The following LRRC40 variants were observed in gnomAD, a reference collection of about 807,000 sequenced individuals.
The protein encoded by LRRC40 is leucine rich repeat containing 40.
Under a neutral mutation model 72.8 loss-of-function variants are expected in LRRC40, and 76 were observed. The ratio of observed to expected loss-of-function variants is 1.04; its 90% CI spans 0.87 to 1.26. The LOEUF (loss-of-function observed/expected upper bound fraction) is 1.26. LRRC40 is among the 50% of genes most tolerant of loss of function. The probability of loss-of-function intolerance (pLI) is 0.00; values close to 1 mark genes in which losing one functional copy is unlikely to be tolerated. For synonymous variants in LRRC40, 243 were observed against 254.2 expected (o/e 0.96, Z 0.42); for missense variants, 684 against 698.9 (o/e 0.98, Z 0.24).
intron 10 of LRRC40, among the ~76,000 whole-genome samples, chr1:70,158,071 A>G (rs12091607): frequency 0.94 from 135,064 of 144,164 alleles, 63,370 homozygotes; most frequent in East Asian, 1. Flanking sequence ...CTGTACTCCA[A>G]CCTGGGCAAC....
At chr1:70,163,848 G>C (rs1667819827) in intron 9 of LRRC40, among the ~76,000 whole-genome samples, 1 of 152,148 alleles carries the variant, frequency 6.6e-6, no homozygotes, top group Non-Finnish European at 1.5e-5. Context: ...TAAGCTTAAT[G>C]CCACGATGGC....
chr1:70,170,791 C>G (rs1558117945), intron 9 of LRRC40, among the ~76,000 whole-genome samples: 1 of 152,144 alleles, frequency 6.6e-6, no homozygotes, highest in Non-Finnish European at 1.5e-5. Flanking sequence ...ATTCCCCAAA[C>G]TGATCTACAG....
intron 6 of LRRC40, among the ~76,000 whole-genome samples, chr1:70,176,706 C>G (rs1446419025): frequency 6.6e-6 from 1 of 151,654 alleles, no homozygotes; most frequent in Non-Finnish European, 1.5e-5. Context: ...TGTGAGGGTC[C>G]ACTTTTATAT....
In LRRC40 at chr1:70,205,412, C is replaced by T. The variant is rs1010161357; in HGVS notation, c.129G>A (p.Leu43=). Residue 43 remains leucine (L), a synonymous_variant, in exon 1 of 15, where the codon CTG becomes CTA. Coordinates refer to ENST00000370952, the MANE Select transcript of LRRC40 (RefSeq NM_017768.5). The stretch of plus-strand genomic sequence containing the variant: ...TACCTTCACTGAGGTTTCTACCCGA[C>T]AGGTTTAACTGGCCGCTCTTCCTCG... ...KAARKSGQLN[L]SGRNLSEVPQ... The T allele has an allele frequency of 5.0e-6, 8 of 1,595,944 alleles. No individual in the cohort carries two copies. The South Asian group carries it at 9.0e-5, about 18-fold the overall frequency.
intron 9 of LRRC40, among the ~76,000 whole-genome samples, chr1:70,171,559 T>C (rs1379347623): frequency 2.0e-5 from 3 of 151,984 alleles, no homozygotes; most frequent in Admixed American, 2.0e-4. Context: ...GATGCACAAA[T>C]GACTAATAAA....
chr1:70,152,304 T>C (rs1571434764), intron 12 of LRRC40, 129 bp downstream of exon 12: 3 of 574,276 alleles, frequency 5.2e-6, no homozygotes, highest in East Asian at 5.9e-5. Flanking sequence ...TCTCCTAAAC[T>C]ATTGTTAATA....
intron 14 of LRRC40, 81 bp downstream of exon 14, chr1:70,148,406 A>G: frequency 8.1e-7 from 1 of 1,238,322 alleles, no homozygotes; most frequent in Non-Finnish European, 1.1e-6. Flanking sequence ...ACTTCTTGCA[A>G]ATTTATCTGA....
chr1:70,189,264 C>T lies in LRRC40; in HGVS notation c.161G>A (p.Cys54Tyr). 4 of 1,552,598 alleles carry T rather than the reference C, an allele frequency of 2.6e-6. No homozygotes were observed. The highest frequency in any genetic ancestry group is 3.5e-6 in the Non-Finnish European group (4 of 1,137,340). The change falls in exon 2 of 15, where the codon TGT becomes TAT. Residue 54 changes from cysteine (C) to tyrosine (Y), a missense_variant. Cys to Tyr is a radical substitution (Grantham distance 194). Transcript: ENST00000370952. ...SGRNLSEVPQ[C>Y]VWRINVDIPE... ...GATATCCACATTTATTCTCCAGACA[C>T]ACTGCGGCACTAGTTCCATCAGCAC...
intron 1 of LRRC40, among the ~76,000 whole-genome samples, chr1:70,197,095 G>A (rs867794638): frequency 3.3e-5 from 5 of 152,056 alleles, no homozygotes; most frequent in African/African-American, 1.2e-4. Context: ...ATAGCTACTA[G>A]CCACATATGG....
chr1:70,173,396 T>C (rs1291927254), intron 9 of LRRC40, 69 bp downstream of exon 9: 3 of 1,116,062 alleles, frequency 2.7e-6, no homozygotes, highest in East Asian at 2.4e-5. Flanking sequence ...GACATTTAAA[T>C]TTATGTACTA....
chr1:70,183,515 T>C (rs1405688599), intron 4 of LRRC40, among the ~76,000 whole-genome samples: 1 of 152,032 alleles, frequency 6.6e-6, no homozygotes, highest in African/African-American at 2.4e-5. Context: ...CTTTTCTCTG[T>C]CTCTTTCTTT....
chr1:70,161,148 C>T (rs560367751), intron 9 of LRRC40, among the ~76,000 whole-genome samples: 1 of 150,392 alleles, frequency 6.6e-6, no homozygotes, highest in East Asian at 2.0e-4. Context: ...AGTGCAGTGG[C>T]GCGATCTCGC....
intron 9 of LRRC40, among the ~76,000 whole-genome samples, chr1:70,168,128 C>G (rs1237295834): frequency 6.6e-6 from 1 of 152,190 alleles, no homozygotes; most frequent in East Asian, 1.9e-4. Context: ...CAAACCCTAT[C>G]TCCCAGCCAG....
intron 9 of LRRC40, among the ~76,000 whole-genome samples, chr1:70,171,403 C>A (rs563399193): frequency 1.1e-4 from 16 of 150,048 alleles, no homozygotes; most frequent in African/African-American, 3.7e-4. Flanking sequence ...AATGAAAAGA[C>A]AACCCACAGA....
At chr1:70,163,931 A>G (rs1667821365) in intron 9 of LRRC40, among the ~76,000 whole-genome samples, 1 of 152,194 alleles carries the variant, frequency 6.6e-6, no homozygotes, top group African/African-American at 2.4e-5. Context: ...GGTAACTTAT[A>G]AACAATAGAC....
chr1:70,166,771 C>G lies in LRRC40; in HGVS notation c.1111+6694G>C, dbSNP rs1256512910. Among the ~76,000 whole-genome samples the G allele has an allele frequency of 2.0e-5, 3 of 151,540 alleles. No homozygotes were observed. In the East Asian group the frequency reaches 5.8e-4, roughly 29 times the overall value. ...CTCTTTTTATTATTTTTTAAAGTAG[C>G]TGAGCTGGATATTTTCTACTTCTGA... On this transcript the variant is annotated intron_variant, in intron 9 of 14. Transcript: ENST00000370952.
Position 70,191,769 on chromosome 1 carries a change from T to C in LRRC40, c.152-2496A>G, listed in dbSNP as rs758082556. Among the ~76,000 whole-genome samples, 8 of 152,166 alleles carry C rather than the reference T, an allele frequency of 5.3e-5. No homozygotes were observed. The East Asian group carries it at 9.6e-4, about 18-fold the overall frequency. ...ACAAGTAGTTTATCAATATCCAAAATAGAAACTACCCACATAAAAATGAAT... is the reference window on the plus strand; with the variant it reads ...ACAAGTAGTTTATCAATATCCAAAACAGAAACTACCCACATAAAAATGAAT... On this transcript the variant is annotated intron_variant, in intron 1 of 14. Transcript: ENST00000370952.
At chr1:70,151,720 T>A (rs966453328) in intron 12 of LRRC40, 4 of 152,042 alleles carry the variant, frequency 2.6e-5, no homozygotes, top group Admixed American at 2.0e-4. Context: ...GAATTTAAAT[T>A]TACACAATGA....
intron 7 of LRRC40, among the ~76,000 whole-genome samples, chr1:70,174,381 T>TAAA (rs1668058687): frequency 6.6e-6 from 1 of 152,062 alleles, no homozygotes; most frequent in Non-Finnish European, 1.5e-5. Flanking sequence ...ACAGTCACTT[T>TAAA]CGAAAGTGGA....
Sources: allele counts gnomAD v4.1 joint callset (sites outside exome capture counted in the v4.1 genomes callset), GRCh38; gene constraint gnomAD v4.1.1; transcripts MANE v1.5; gene names NCBI Gene and HGNC (gene_info 2026-07-23, HGNC 2026-07-21).